Variants in TOX observed in about 807,000 individuals in gnomAD.
TOX encodes the protein thymocyte selection associated high mobility group box, also known as thymocyte selection-associated high mobility group box protein TOX.
A neutral mutation model predicts 53.7 loss-of-function variants in TOX; 11 were observed. That is an observed-to-expected ratio of 0.20 (90% CI 0.13 to 0.34). The LOEUF (loss-of-function observed/expected upper bound fraction) is 0.34. Among genes scored for constraint, TOX ranks in the 10% least tolerant of loss-of-function variants. The pLI is 1.00. For missense variants in TOX, 570 were observed against 664.6 expected, an observed-to-expected ratio of 0.86 and a Z score of 1.56; for synonymous variants, 225 against 245.3, an observed-to-expected ratio of 0.92 and a Z score of 0.77.
At chr8:58,832,134 T>C (rs1563364766) in intron 5 of TOX, among the ~76,000 whole-genome samples, 1 of 147,126 alleles carries the variant, frequency 6.8e-6, no homozygotes, top group Non-Finnish European at 1.5e-5. Flanking sequence ...ATATGTAATA[T>C]ATATAATATA....
At chr8:59,024,294 T>A (rs755016307) in intron 1 of TOX, among the ~76,000 whole-genome samples, 4 of 152,190 alleles carry the variant, frequency 2.6e-5, no homozygotes, top group Non-Finnish European at 5.9e-5. Context: ...ATTTGAACAA[T>A]TTTAGATAAA....
chr8:58,956,665 G>A (rs769020217), intron 2 of TOX, among the ~76,000 whole-genome samples: 1 of 152,066 alleles, frequency 6.6e-6, no homozygotes, highest in Non-Finnish European at 1.5e-5. Context: ...ACAGTGGTGC[G>A]ATCTCAACTC....
intron 1 of TOX, among the ~76,000 whole-genome samples, chr8:59,053,885 T>C (rs1267630286): frequency 6.6e-6 from 1 of 152,242 alleles, no homozygotes; most frequent in Non-Finnish European, 1.5e-5. Flanking sequence ...AAAGCAAACA[T>C]ATTTTTCTCA....
chr8:58,842,923 TTTTG>T (rs1367735876), intron 4 of TOX, among the ~76,000 whole-genome samples: 1 of 152,230 alleles, frequency 6.6e-6, no homozygotes, highest in Non-Finnish European at 1.5e-5. Context: ...TTGCTCAAAG[TTTTG>T]TTTAATAGAA....
intron 1 of TOX, among the ~76,000 whole-genome samples, chr8:59,031,227 A>T (rs1398213284): frequency 6.6e-6 from 1 of 152,176 alleles, no homozygotes; most frequent in Non-Finnish European, 1.5e-5. Flanking sequence ...TAAAGTTCTG[A>T]TATTTCATTA....
chr8:59,092,321 ATATATAT>A (rs1303984611), intron 1 of TOX, among the ~76,000 whole-genome samples: 9 of 108,560 alleles, frequency 8.3e-5, no homozygotes, highest in African/African-American at 2.3e-4. Context: ...ATATATACAT[ATATATAT>A]TATATATTAT....
chr8:59,081,302 C>T (rs1804403210), intron 1 of TOX, among the ~76,000 whole-genome samples: 1 of 152,132 alleles, frequency 6.6e-6, no homozygotes, highest in Non-Finnish European at 1.5e-5. Context: ...GCTGGGATTA[C>T]AGGAGTCAGC....
chr8:59,005,905 T>G (rs2129418426), intron 1 of TOX, among the ~76,000 whole-genome samples: 1 of 152,344 alleles, frequency 6.6e-6, no homozygotes, highest in South Asian at 2.1e-4. Flanking sequence ...TGCATTTTCT[T>G]TCTCAAATCT....
At chr8:58,829,261 G>C (rs947229467) in intron 5 of TOX, among the ~76,000 whole-genome samples, 1 of 152,136 alleles carries the variant, frequency 6.6e-6, no homozygotes, top group Non-Finnish European at 1.5e-5. Context: ...AGGGAAGAAA[G>C]GTGGCTAACT....
intron 1 of TOX, among the ~76,000 whole-genome samples, chr8:59,047,222 T>G (rs552073362): frequency 6.3e-5 from 8 of 126,354 alleles, no homozygotes; most frequent in South Asian, 2.9e-4. Context: ...TTTTTTTTTT[T>G]TTTTTTTTTT....
chr8:59,058,320 G>A (rs1236007031), intron 1 of TOX, among the ~76,000 whole-genome samples: 4 of 152,116 alleles, frequency 2.6e-5, no homozygotes, highest in Non-Finnish European at 5.9e-5. Context: ...AAAGAACTAC[G>A]TATATATTTC....
intron 1 of TOX, among the ~76,000 whole-genome samples, chr8:59,031,817 A>G (rs574014624): frequency 6.6e-6 from 1 of 152,332 alleles, no homozygotes; most frequent in East Asian, 1.9e-4. Flanking sequence ...CATTAAAAAT[A>G]AACTAATAAA....
At chr8:59,036,163 G>C (rs756327639) in intron 1 of TOX, among the ~76,000 whole-genome samples, 8 of 152,214 alleles carry the variant, frequency 5.3e-5, no homozygotes, top group Non-Finnish European at 8.8e-5. Flanking sequence ...TATTAGAAAA[G>C]CTTCCAGGAG....
At chr8:58,872,111 C>G (rs1334231120) in intron 3 of TOX, among the ~76,000 whole-genome samples, 1 of 151,728 alleles carries the variant, frequency 6.6e-6, no homozygotes, top group Non-Finnish European at 1.5e-5. Context: ...CAAAACCAAA[C>G]AATATACACA....
chr8:59,037,860 C>A (rs1803499115), intron 1 of TOX, among the ~76,000 whole-genome samples: 1 of 151,458 alleles, frequency 6.6e-6, no homozygotes, highest in South Asian at 2.1e-4. Flanking sequence ...TCCAAACAAG[C>A]CACCCTTCCT....
At chr8:58,869,634 C>T (rs573187125) in intron 3 of TOX, among the ~76,000 whole-genome samples, 1 of 152,118 alleles carries the variant, frequency 6.6e-6, no homozygotes, top group Non-Finnish European at 1.5e-5. Flanking sequence ...AACTCCTCAA[C>T]AAAATATTTA....
chr8:58,961,135 A>T (rs1178896004), intron 1 of TOX, among the ~76,000 whole-genome samples: 1 of 152,156 alleles, frequency 6.6e-6, no homozygotes, highest in Non-Finnish European at 1.5e-5. Flanking sequence ...TAGACATCTC[A>T]TTCCACCACC....
At chr8:58,943,979 C>T (rs908802450) in intron 2 of TOX, among the ~76,000 whole-genome samples, 1 of 152,154 alleles carries the variant, frequency 6.6e-6, no homozygotes, top group Non-Finnish European at 1.5e-5. Context: ...AAATTGGAAA[C>T]ATATTAGCAT....
At chr8:58,892,563 C>T (rs533987027) in intron 3 of TOX, among the ~76,000 whole-genome samples, 1 of 152,140 alleles carries the variant, frequency 6.6e-6, no homozygotes, top group Non-Finnish European at 1.5e-5. Context: ...TGGGCTCCCT[C>T]AAAAGTGTCA....
Sources: allele counts gnomAD v4.1 joint callset (sites outside exome capture counted in the v4.1 genomes callset), GRCh38; gene constraint gnomAD v4.1.1; transcripts MANE v1.5; gene names NCBI Gene and HGNC (gene_info 2026-07-23, HGNC 2026-07-21).